The following BMPER variants were observed in gnomAD, a reference collection of about 807,000 sequenced individuals.
BMPER encodes the protein BMP binding endothelial regulator.
A neutral mutation model predicts 87.3 loss-of-function variants in BMPER; 45 were observed. The ratio of observed to expected loss-of-function variants is 0.52; its 90% CI spans 0.41 to 0.66. The LOEUF is 0.66. BMPER is among the 30% of genes least tolerant of loss of function. The pLI, the probability that BMPER is intolerant of heterozygous loss-of-function variation, is 0.00. For missense variants in BMPER, 784 were observed against 867.5 expected (o/e 0.90, Z 1.21); for synonymous variants, 326 against 316.2 (o/e 1.03, Z -0.33).
chr7:34,006,833 A>G (rs776021318), intron 6 of BMPER, among the ~76,000 whole-genome samples: 15 of 152,088 alleles, frequency 9.9e-5, no homozygotes, highest in Non-Finnish European at 1.6e-4. Context: ...TAGCATAGCT[A>G]TCAAAGCAAT....
At chr7:34,011,476 C>T (rs1261881865) in intron 6 of BMPER, among the ~76,000 whole-genome samples, 1 of 150,138 alleles carries the variant, frequency 6.7e-6, no homozygotes, top group Non-Finnish European at 1.5e-5. Flanking sequence ...ACTGGGCTCA[C>T]TCATCTTCAT....
chr7:34,133,536 A>G (rs1031646256), intron 13 of BMPER, among the ~76,000 whole-genome samples: 4 of 152,134 alleles, frequency 2.6e-5, no homozygotes, highest in Admixed American at 2.6e-4. Context: ...CAACTGGGCA[A>G]CTTAAGTGTT....
At chr7:33,983,664 A>G (rs1238645035) in intron 6 of BMPER, among the ~76,000 whole-genome samples, 1 of 152,208 alleles carries the variant, frequency 6.6e-6, no homozygotes, top group Non-Finnish European at 1.5e-5. Context: ...AACTGAAGCC[A>G]TAAACTGCCT....
chr7:34,037,861 G>A (rs1158153163), intron 6 of BMPER, among the ~76,000 whole-genome samples: 1 of 152,190 alleles, frequency 6.6e-6, no homozygotes, highest in East Asian at 1.9e-4. Flanking sequence ...ATAAGTGGAT[G>A]TGAACTTACT....
At chr7:33,935,146 G>T (rs931777664) in intron 2 of BMPER, among the ~76,000 whole-genome samples, 26 of 152,094 alleles carry the variant, frequency 1.7e-4, no homozygotes, top group African/African-American at 6.0e-4. Context: ...AAATCTAAGG[G>T]CTGTGCCTTA....
intron 2 of BMPER, 45 bp downstream of exon 2, chr7:33,906,948 A>T (rs778316129): frequency 6.7e-7 from 1 of 1,488,372 alleles, no homozygotes; most frequent in Non-Finnish European, 9.4e-7. Context: ...GCTCTCTCTG[A>T]TAAGGTGAAT....
chr7:33,935,871 G>T (rs1784589219), intron 2 of BMPER, among the ~76,000 whole-genome samples: 1 of 152,172 alleles, frequency 6.6e-6, no homozygotes, highest in Admixed American at 6.5e-5. Context: ...GGACAAGTTT[G>T]AGCAACACCG....
At chr7:34,043,533 G>A (rs1304078016) in intron 6 of BMPER, among the ~76,000 whole-genome samples, 1 of 152,124 alleles carries the variant, frequency 6.6e-6, no homozygotes, top group African/African-American at 2.4e-5. Flanking sequence ...CGATTTTGGT[G>A]AACACATGGT....
At chr7:33,981,084 T>G (rs957570903) in intron 6 of BMPER, among the ~76,000 whole-genome samples, 2 of 152,222 alleles carry the variant, frequency 1.3e-5, no homozygotes, top group Admixed American at 6.5e-5. Context: ...TCCCTCATCC[T>G]TGTCCTCTCT....
chr7:34,086,311 G>A (rs1047013586), intron 13 of BMPER, among the ~76,000 whole-genome samples: 1 of 152,168 alleles, frequency 6.6e-6, no homozygotes, highest in Non-Finnish European at 1.5e-5. Context: ...ATGTCCTCCA[G>A]GCAATTCCAT....
intron 13 of BMPER, among the ~76,000 whole-genome samples, chr7:34,138,909 G>A (rs1280533502): frequency 6.6e-6 from 1 of 152,166 alleles, no homozygotes; most frequent in African/African-American, 2.4e-5. Context: ...ACTCCCAGAA[G>A]TGATAAAATT....
intron 13 of BMPER, among the ~76,000 whole-genome samples, chr7:34,129,158 G>A (rs968608298): frequency 1.3e-5 from 2 of 152,038 alleles, no homozygotes; most frequent in African/African-American, 2.4e-5. Context: ...CTGCTTTGGG[G>A]AAAAATGTTC....
At chr7:34,003,233 A>G in intron 6 of BMPER, among the ~76,000 whole-genome samples, 1 of 151,926 alleles carries the variant, frequency 6.6e-6, no homozygotes. Context: ...ACATACATAT[A>G]TGTAAACAAA....
chr7:34,039,254 G>A (rs948762358), intron 6 of BMPER, among the ~76,000 whole-genome samples: 22 of 152,172 alleles, frequency 1.4e-4, no homozygotes, highest in African/African-American at 5.1e-4. Flanking sequence ...TGCCAGTGAA[G>A]CATTTGGCAA....
At chr7:33,966,773 A>G (rs1785417296) in intron 4 of BMPER, among the ~76,000 whole-genome samples, 2 of 152,206 alleles carry the variant, frequency 1.3e-5, no homozygotes, top group Admixed American at 1.3e-4. Flanking sequence ...TTCCAGAAAC[A>G]CACAGTGGAA....
rs142551004 is a variant in BMPER at position 33,924,021 on chromosome 7, C to T, written c.220-13268C>T. ...CCAGCTGCATCTGTCCACGTGTCTA[C>T]CTGGTGTCTCCACGTGGATGTTGAG... On this transcript the variant is annotated intron_variant, in intron 2 of 14. Transcript: ENST00000649409. Among the ~76,000 whole-genome samples, 13 of 152,246 alleles carry T rather than the reference C, an allele frequency of 8.5e-5. No individual in the cohort carries two copies. In the East Asian group the frequency reaches 2.5e-3, roughly 30 times the overall value.
intron 13 of BMPER, among the ~76,000 whole-genome samples, chr7:34,136,158 C>T (rs1413417434): frequency 3.9e-5 from 6 of 152,158 alleles, no homozygotes; most frequent in Non-Finnish European, 5.9e-5. Flanking sequence ...GACAGAGCAG[C>T]AGGAGCTCCC....
At chr7:34,133,386 T>C (rs901043765) in intron 13 of BMPER, among the ~76,000 whole-genome samples, 1 of 150,658 alleles carries the variant, frequency 6.6e-6, no homozygotes, top group East Asian at 1.9e-4. Context: ...ACAGGGGTTC[T>C]GGAAGGTGGT....
intron 13 of BMPER, among the ~76,000 whole-genome samples, chr7:34,122,731 A>G (rs1324028078): frequency 6.6e-6 from 1 of 152,202 alleles, no homozygotes; most frequent in Non-Finnish European, 1.5e-5. Context: ...GAGAGAGAAT[A>G]TTACAGTTCT....
Sources: allele counts gnomAD v4.1 joint callset (sites outside exome capture counted in the v4.1 genomes callset), GRCh38; gene constraint gnomAD v4.1.1; transcripts MANE v1.5; gene names NCBI Gene and HGNC (gene_info 2026-07-23, HGNC 2026-07-21).